The following FIG4 variants were observed in gnomAD, a reference collection of about 807,000 sequenced individuals.
The protein encoded by FIG4 is FIG4 phosphoinositide 5-phosphatase, also known as polyphosphoinositide phosphatase.
In FIG4, 112 loss-of-function variants were observed where a neutral mutation model predicts 118.6. That is an observed-to-expected ratio of 0.94 (90% confidence interval 0.81 to 1.11). FIG4 has a LOEUF of 1.11. Among genes scored for constraint, FIG4 ranks in the 50% least tolerant of loss-of-function variants. The pLI is 0.00. For missense variants in FIG4, 969 were observed against 1,111.7 expected (o/e 0.87, Z 1.83); for synonymous variants, 369 against 381.2 (o/e 0.97, Z 0.37).
intron 1 of FIG4, among the ~76,000 whole-genome samples, chr6:109,712,494 C>G (rs544032163): frequency 6.6e-6 from 1 of 152,214 alleles, no homozygotes; most frequent in South Asian, 2.1e-4. Context: ...GAAAGCCAGT[C>G]TTCAAGCTCT....
chr6:109,808,173 A>G (rs1778619534), intron 22 of FIG4, among the ~76,000 whole-genome samples: 1 of 152,114 alleles, frequency 6.6e-6, no homozygotes, highest in South Asian at 2.1e-4. Flanking sequence ...CCAAAGGAAG[A>G]AGAGGGAAAA....
intron 10 of FIG4, among the ~76,000 whole-genome samples, chr6:109,751,497 T>C (rs553347156): frequency 1.6e-4 from 24 of 152,314 alleles, no homozygotes; most frequent in African/African-American, 5.5e-4. Flanking sequence ...TGGTACCAGC[T>C]CCTCTTTGTA....
chr6:109,721,086 C>T (rs1047655624), intron 3 of FIG4, among the ~76,000 whole-genome samples: 3 of 152,122 alleles, frequency 2.0e-5, no homozygotes, highest in Non-Finnish European at 4.4e-5. Context: ...CTCTTCTAAG[C>T]CTCTAGTATG....
chr6:109,807,483 G>A (rs11153220), intron 22 of FIG4, among the ~76,000 whole-genome samples: 35,941 of 152,078 alleles, frequency 0.24, 5,098 homozygotes, highest in East Asian at 0.32. Context: ...ATTTGTTTAA[G>A]TTCCTTGTAG....
At chr6:109,785,966 T>G (rs1777940739) in intron 17 of FIG4, 2 of 329,202 alleles carry the variant, frequency 6.1e-6, no homozygotes, top group Admixed American at 4.3e-5. Context: ...GGGAAAAAGC[T>G]GTACAATTTT....
Position 109,764,895 on chromosome 6 carries a change from TTTTTTGTTTTTG to T in FIG4, c.1435-90_1435-79del, listed in dbSNP as rs71018366. 8.4e-4 allele frequency: 684 copies of T among 811,252 alleles called. 2 individuals carry two copies. The highest frequency in any genetic ancestry group is 1.3e-3 in the African/African-American group (73 of 58,166). The allele number at this position is 811,252 out of a possible 1,614,324, so 50.3% of individuals were successfully genotyped here. ...CAGGAATAATACCTGCCCACAGACT[TTTTTTGTTTTTG>T]TTTTTGTTTTTGTTTTTGTTTTTGT... On this transcript the variant is annotated intron_variant, in intron 13 of 22. Transcript: ENST00000230124.
At chr6:109,748,062 T>C (rs1052389088) in intron 10 of FIG4, among the ~76,000 whole-genome samples, 1 of 152,124 alleles carries the variant, frequency 6.6e-6, no homozygotes, top group African/African-American at 2.4e-5. Flanking sequence ...GTAGGAGGAA[T>C]GGTCATCTGC....
At chr6:109,816,094 T>A (rs999280180) in intron 22 of FIG4, among the ~76,000 whole-genome samples, 5 of 152,162 alleles carry the variant, frequency 3.3e-5, no homozygotes, top group Admixed American at 3.3e-4. Flanking sequence ...AGCCTGGAAA[T>A]CTGTGCTTTG....
chr6:109,728,140 A>G (rs1775877807), intron 4 of FIG4, among the ~76,000 whole-genome samples: 1 of 152,218 alleles, frequency 6.6e-6, no homozygotes, highest in Non-Finnish European at 1.5e-5. Context: ...TAACAGATAC[A>G]TGCTAAAATA....
rs567992649 is a variant in FIG4 at position 109,737,260 on chromosome 6, CAATA to C, written c.647-1061_647-1058del. On this transcript the variant is annotated intron_variant, in intron 6 of 22. Transcript: ENST00000230124. ...TATGAGAGTAGGTTGAAAAGGAAAA[CAATA>C]AATTTTTAAAATAATCTTTACTGCA... Among the ~76,000 whole-genome samples the C allele has an allele frequency of 2.0e-5, 3 of 152,168 alleles. No individual in the cohort carries two copies. In the South Asian group the frequency reaches 6.2e-4, roughly 32 times the overall value.
chr6:109,748,795 C>A (rs1341289423), intron 10 of FIG4, among the ~76,000 whole-genome samples: 1 of 152,068 alleles, frequency 6.6e-6, no homozygotes, highest in African/African-American at 2.4e-5. Context: ...AAAAGAGAAA[C>A]CCCTTATAAA....
intron 22 of FIG4, among the ~76,000 whole-genome samples, chr6:109,815,162 G>C (rs572897669): frequency 6.6e-6 from 1 of 152,028 alleles, no homozygotes; most frequent in Non-Finnish European, 1.5e-5. Flanking sequence ...CCCTCGTTAT[G>C]TTTATTTGAT....
chr6:109,751,796 CT>C (rs1776707731), intron 10 of FIG4, among the ~76,000 whole-genome samples: 2 of 83,782 alleles, frequency 2.4e-5, no homozygotes, highest in Non-Finnish European at 4.6e-5. Flanking sequence ...CTATTTGATT[CT>C]TCTCTCTTTT....
intron 16 of FIG4, among the ~76,000 whole-genome samples, chr6:109,782,151 T>C (rs144762995): frequency 2.9e-4 from 44 of 152,286 alleles, no homozygotes; most frequent in African/African-American, 9.1e-4. Context: ...ACTAGCTCTT[T>C]TGTATGCAAA....
intron 3 of FIG4, among the ~76,000 whole-genome samples, chr6:109,724,807 G>A (rs1775744129): frequency 6.9e-6 from 1 of 144,842 alleles, no homozygotes; most frequent in Admixed American, 7.0e-5. Flanking sequence ...AATCCTTTGT[G>A]TGTGTGTGTG....
Position 109,754,914 on chromosome 6 carries a change from AT to A in FIG4, c.1138-5327del, listed in dbSNP as rs960886968. Among the ~76,000 whole-genome samples the A allele has an allele frequency of 2.5e-4, 38 of 151,088 alleles. 1 individual carries two copies. Among genetic ancestry groups the A allele is most frequent in the African/African-American group, 3.9e-4 (16 of 41,176 alleles). On this transcript the variant is annotated intron_variant, in intron 10 of 22. Transcript: ENST00000230124. ...CCTGGATTCATTAATTTTTTGAAGG[AT>A]TTTTTTTTGTCTCTATTTCCTTCAG... is the stretch of plus-strand genomic sequence containing the variant.
intron 4 of FIG4, among the ~76,000 whole-genome samples, chr6:109,729,332 A>G (rs1186191509): frequency 1.3e-5 from 2 of 152,212 alleles, no homozygotes; most frequent in African/African-American, 4.8e-5. Flanking sequence ...TCTTAATCTG[A>G]TAAATGATAC....
At chr6:109,729,792 T>C (rs1473309387) in intron 4 of FIG4, among the ~76,000 whole-genome samples, 1 of 146,918 alleles carries the variant, frequency 6.8e-6, no homozygotes, top group African/African-American at 2.5e-5. Context: ...AAAAAAAAGA[T>C]TAAAAGAAGA....
At chr6:109,741,832 A>C (rs1776333167) in intron 8 of FIG4, among the ~76,000 whole-genome samples, 1 of 152,106 alleles carries the variant, frequency 6.6e-6, no homozygotes, top group African/African-American at 2.4e-5. Context: ...CTAATATCTA[A>C]TATGATGTAA....
Sources: allele counts gnomAD v4.1 joint callset (sites outside exome capture counted in the v4.1 genomes callset), GRCh38; gene constraint gnomAD v4.1.1; transcripts MANE v1.5; gene names NCBI Gene and HGNC (gene_info 2026-07-23, HGNC 2026-07-21).